The following CNGB3 variants were observed in gnomAD, a reference collection of about 807,000 sequenced individuals.
The protein encoded by CNGB3 is cyclic nucleotide gated channel subunit beta 3.
In CNGB3, 86 loss-of-function variants were observed where a neutral mutation model predicts 92.8. The observed-to-expected ratio is 0.93, with a 90% confidence interval of 0.78 to 1.11. The LOEUF is 1.11. Among genes scored for constraint, CNGB3 ranks in the 50% least tolerant of loss-of-function variants. The pLI is 0.00. For missense variants in CNGB3, 1,026 were observed against 956.8 expected, an observed-to-expected ratio of 1.07 and a Z score of -0.95; for synonymous variants, 333 against 332.7, an observed-to-expected ratio of 1.00 and a Z score of -0.01.
At chr8:86,604,449 C>G (rs1186718667) in intron 14 of CNGB3, among the ~76,000 whole-genome samples, 3 of 152,054 alleles carry the variant, frequency 2.0e-5, no homozygotes, top group Non-Finnish European at 4.4e-5. Context: ...GTTTGCCTCC[C>G]TTGGATACAT....
intron 10 of CNGB3, 130 bp downstream of exon 10, chr8:86,643,621 G>A (rs1823234118): frequency 3.1e-6 from 3 of 962,038 alleles, no homozygotes; most frequent in South Asian, 2.9e-5. Context: ...CCTTTTTTAT[G>A]GCCAAATAGC....
At chr8:86,628,153 A>G (rs1043096679) in intron 12 of CNGB3, among the ~76,000 whole-genome samples, 1 of 152,176 alleles carries the variant, frequency 6.6e-6, no homozygotes, top group African/African-American at 2.4e-5. Flanking sequence ...GGGGGAGTCA[A>G]AAGTTATATG....
chr8:86,602,229 G>A (rs540834630), intron 15 of CNGB3, among the ~76,000 whole-genome samples: 2 of 152,236 alleles, frequency 1.3e-5, no homozygotes, highest in South Asian at 2.1e-4. Context: ...CTCAGGTCTC[G>A]TATGTTCTGA....
Position 86,667,026 on chromosome 8 carries a change from G to GT in CNGB3, c.750dup (p.His251ThrfsTer11), listed in dbSNP as rs1296942594. On this transcript the variant is annotated frameshift_variant, in exon 6 of 18. Coordinates refer to ENST00000320005, the MANE Select transcript of CNGB3 (RefSeq NM_019098.5). LOFTEE classifies it high-confidence loss of function. ...ATGATGTCCGCAATAAGCCAGTAGT[G>GT]TATGTTGTCTGCGGTTTGATATGGG... 6.2e-7 allele frequency: 1 copy of GT among 1,614,002 alleles called. No homozygotes were observed. Among genetic ancestry groups the GT allele is most frequent in the Admixed American group, 1.7e-5 (1 of 60,014 alleles).
At chr8:86,647,297 G>A (rs982665120) in intron 8 of CNGB3, among the ~76,000 whole-genome samples, 7 of 150,832 alleles carry the variant, frequency 4.6e-5, no homozygotes, top group Admixed American at 3.3e-4. Flanking sequence ...GTAAGTAAAT[G>A]TGATGTGAAA....
At chr8:86,721,728 T>TA (rs931434704) in intron 3 of CNGB3, among the ~76,000 whole-genome samples, 26 of 152,150 alleles carry the variant, frequency 1.7e-4, no homozygotes, top group African/African-American at 5.3e-4. Context: ...TTCCCTTTTT[T>TA]AAAAAAAATG....
intron 3 of CNGB3, among the ~76,000 whole-genome samples, chr8:86,695,332 G>T (rs939790938): frequency 2.0e-5 from 3 of 149,850 alleles, no homozygotes; most frequent in African/African-American, 7.4e-5. Flanking sequence ...GAGGGAGAGG[G>T]AGAGGGAGAG....
chr8:86,623,278 A>G (rs981587253), intron 13 of CNGB3, among the ~76,000 whole-genome samples: 2 of 152,200 alleles, frequency 1.3e-5, no homozygotes, highest in Non-Finnish European at 2.9e-5. Context: ...GGAATCTAAC[A>G]GTCACCTCAT....
At chr8:86,701,287 T>G (rs1824551596) in intron 3 of CNGB3, among the ~76,000 whole-genome samples, 1 of 152,106 alleles carries the variant, frequency 6.6e-6, no homozygotes, top group Non-Finnish European at 1.5e-5. Context: ...ACTTCAAAAT[T>G]TTAAGTTTAA....
intron 15 of CNGB3, among the ~76,000 whole-genome samples, chr8:86,596,001 A>G (rs896132193): frequency 6.6e-6 from 1 of 152,222 alleles, no homozygotes; most frequent in Non-Finnish European, 1.5e-5. Flanking sequence ...AAAACATACA[A>G]GAATATATCA....
rs1212888388 is a variant in CNGB3, at chr8:86,632,842, G to C, written c.1230C>G (p.Gly410=). 5.0e-6 allele frequency: 8 copies of C among 1,612,660 alleles called. No homozygotes were observed. Among genetic ancestry groups the C allele is most frequent in the Non-Finnish European group, 6.8e-6 (8 of 1,179,694 alleles). ...CAAATAAAGTTTGTGGTTCTGGAAGGCCACCAATGGTAATTAAAGTTCGAA... is the reference window on the plus strand; with the variant it reads ...CAAATAAAGTTTGTGGTTCTGGAAGCCCACCAATGGTAATTAAAGTTCGAA... ...WAVRTLITIG[G]LPEPQTLFEI... Residue 410 remains glycine (G), a synonymous_variant, in exon 11 of 18, where the codon GGC becomes GGG. Transcript: ENST00000320005.
chr8:86,665,461 T>C (rs1374335645), intron 6 of CNGB3, among the ~76,000 whole-genome samples: 1 of 152,180 alleles, frequency 6.6e-6, no homozygotes, highest in Non-Finnish European at 1.5e-5. Flanking sequence ...AAAAGACACA[T>C]GCACCTGCAT....
chr8:86,685,585 A>G (rs909492370), intron 3 of CNGB3, among the ~76,000 whole-genome samples: 6 of 152,124 alleles, frequency 3.9e-5, no homozygotes. Flanking sequence ...CTGTGTCTAT[A>G]TCACTAACGA....
Position 86,671,219 on chromosome 8 carries a change from T to C in CNGB3, c.339-121A>G, listed in dbSNP as rs1414697632. The C allele has an allele frequency of 5.7e-6, 6 of 1,049,570 alleles. No individual in the cohort carries two copies. In the South Asian group the frequency reaches 7.7e-5, roughly 13 times the overall value. The allele number at this position is 1,049,570 out of a possible 1,614,324, so 65.0% of individuals were successfully genotyped here. A position where few individuals can be genotyped will look rare whatever the true frequency, so the allele number is the denominator to read the frequency against. ...TTATTAACTTCCCCTTTTTTGCAATTGAATAGCACAATTCAAACATTAGGT... is the reference window on the plus strand; with the variant it reads ...TTATTAACTTCCCCTTTTTTGCAATCGAATAGCACAATTCAAACATTAGGT... On this transcript the variant is annotated intron_variant, in intron 3 of 17. Coordinates refer to ENST00000320005, the MANE Select transcript of CNGB3 (RefSeq NM_019098.5).
At chr8:86,600,885 C>T (rs1822284539) in intron 15 of CNGB3, among the ~76,000 whole-genome samples, 1 of 148,040 alleles carries the variant, frequency 6.8e-6, no homozygotes, top group Non-Finnish European at 1.5e-5. Flanking sequence ...CCGCCTCAGC[C>T]TCCCAACGTG....
intron 3 of CNGB3, among the ~76,000 whole-genome samples, chr8:86,694,487 C>A (rs1418689518): frequency 1.3e-5 from 2 of 151,790 alleles, no homozygotes; most frequent in Non-Finnish European, 2.9e-5. Context: ...GACGGAGGGT[C>A]TCCTCACTTC....
At chr8:86,620,022 G>C (rs1274655404) in intron 13 of CNGB3, among the ~76,000 whole-genome samples, 1 of 152,074 alleles carries the variant, frequency 6.6e-6, no homozygotes, top group East Asian at 1.9e-4. Flanking sequence ...CACTGGGCCA[G>C]CTTGACTTTG....
intron 8 of CNGB3, among the ~76,000 whole-genome samples, chr8:86,646,932 C>T (rs1823300644): frequency 6.6e-6 from 1 of 151,198 alleles, no homozygotes; most frequent in Non-Finnish European, 1.5e-5. Context: ...CCAACAGTCT[C>T]ACTCTTACTC....
intron 3 of CNGB3, among the ~76,000 whole-genome samples, chr8:86,688,034 C>T (rs1824222592): frequency 6.6e-6 from 1 of 151,992 alleles, no homozygotes; most frequent in South Asian, 2.1e-4. Flanking sequence ...AAAAAACAAA[C>T]AGGGCTTCAG....
Sources: allele counts gnomAD v4.1 joint callset (sites outside exome capture counted in the v4.1 genomes callset), GRCh38; gene constraint gnomAD v4.1.1; transcripts MANE v1.5; gene names NCBI Gene and HGNC (gene_info 2026-07-23, HGNC 2026-07-21).